CPED1: variants seen among roughly 807,000 people sequenced by gnomAD.
CPED1 encodes cadherin like and PC-esterase domain containing 1, also known as cadherin-like and PC-esterase domain-containing protein 1.
CPED1 carries 114 observed loss-of-function variants against 128.2 expected under a neutral mutation model. The observed-to-expected ratio is 0.89, with a 90% CI of 0.76 to 1.04. CPED1 has a LOEUF of 1.04. Ranked by LOEUF, CPED1 falls within the 50% of genes least tolerant of loss-of-function variation. The pLI is 0.00. For synonymous variants in CPED1, 462 were observed against 426.7 expected (o/e 1.08, Z -1.02); for missense variants, 1,211 against 1,207.1 (o/e 1.00, Z -0.05).
intron 7 of CPED1, among the ~76,000 whole-genome samples, chr7:121,107,601 A>G (rs1324008163): frequency 6.6e-6 from 1 of 152,140 alleles, no homozygotes; most frequent in Non-Finnish European, 1.5e-5. Flanking sequence ...GTGGGTGCAA[A>G]GTAATAACAG....
At chr7:120,998,476 G>A (rs1796447753) in intron 2 of CPED1, among the ~76,000 whole-genome samples, 1 of 152,006 alleles carries the variant, frequency 6.6e-6, no homozygotes, top group South Asian at 2.1e-4. Flanking sequence ...AAAGTGTCTG[G>A]CAGATAGAAA....
Position 121,022,531 on chromosome 7 carries a change from C to T in CPED1, c.433+6683C>T, listed in dbSNP as rs567208899. On this transcript the variant is annotated intron_variant, in intron 3 of 22. Coordinates refer to ENST00000310396, the MANE Select transcript of CPED1 (RefSeq NM_024913.5). ...GGATGAGTTTCTTTCTATACATATT[C>T]AGTTATAGGTGCTGTGAATTTTCAT... 1.2e-3 allele frequency among the ~76,000 whole-genome samples: 177 copies of T among 151,920 alleles called. 2 individuals carry two copies. Among genetic ancestry groups the T allele is most frequent in the South Asian group, 0.01 (49 of 4,808 alleles).
At chr7:121,184,804 C>G (rs1487630588) in intron 16 of CPED1, among the ~76,000 whole-genome samples, 1 of 152,038 alleles carries the variant, frequency 6.6e-6, no homozygotes, top group Non-Finnish European at 1.5e-5. Flanking sequence ...TACTTTTGCT[C>G]TTTAAAACAA....
At chr7:121,170,178 G>T (rs1025275034) in intron 16 of CPED1, among the ~76,000 whole-genome samples, 1 of 152,152 alleles carries the variant, frequency 6.6e-6, no homozygotes, top group Admixed American at 6.5e-5. Context: ...TAAGAAATCT[G>T]TCTAGTTTTT....
intron 16 of CPED1, among the ~76,000 whole-genome samples, chr7:121,153,172 T>C (rs1796197743): frequency 6.6e-6 from 1 of 152,210 alleles, no homozygotes; most frequent in South Asian, 2.1e-4. Flanking sequence ...ACCTATGTTT[T>C]ATCAGGAATG....
At chr7:121,214,869 G>A (rs1490263956) in intron 16 of CPED1, among the ~76,000 whole-genome samples, 2 of 152,038 alleles carry the variant, frequency 1.3e-5, no homozygotes, top group African/African-American at 2.4e-5. Context: ...CATGTGATCA[G>A]TGAGTAATCT....
At chr7:121,273,046 G>A (rs1314753022) in intron 22 of CPED1, among the ~76,000 whole-genome samples, 1 of 151,786 alleles carries the variant, frequency 6.6e-6, no homozygotes, top group Non-Finnish European at 1.5e-5. Context: ...ATTTGCTCTA[G>A]GAGATTCAGC....
intron 7 of CPED1, among the ~76,000 whole-genome samples, chr7:121,118,136 T>C (rs995612584): frequency 7.9e-5 from 12 of 152,330 alleles, no homozygotes; most frequent in African/African-American, 2.6e-4. Context: ...AACTAAACCC[T>C]TCCATCCACG....
intron 4 of CPED1, among the ~76,000 whole-genome samples, chr7:121,054,667 G>GT (rs34569288): frequency 0.037 from 5,506 of 147,412 alleles, 282 homozygotes; most frequent in African/African-American, 0.11. Flanking sequence ...CAGGGTTGAG[G>GT]TTTTTTTTTT....
chr7:121,271,549 T>C (rs1271259188), intron 22 of CPED1, 119 bp downstream of exon 22: 1 of 974,872 alleles, frequency 1.0e-6, no homozygotes. Flanking sequence ...CAGGTGGAGA[T>C]TAAATGATAT....
intron 16 of CPED1, among the ~76,000 whole-genome samples, chr7:121,183,752 A>G (rs1796945088): frequency 6.6e-6 from 1 of 152,226 alleles, no homozygotes; most frequent in African/African-American, 2.4e-5. Flanking sequence ...GGTTTATAAT[A>G]TAAACTGAGA....
intron 16 of CPED1, among the ~76,000 whole-genome samples, chr7:121,232,517 C>A (rs551081341): frequency 2.2e-4 from 33 of 152,178 alleles, no homozygotes; most frequent in African/African-American, 7.9e-4. Flanking sequence ...TTCATCAGGA[C>A]ATTGGGGAAA....
chr7:121,156,109 A>G (rs1314312567), intron 16 of CPED1, among the ~76,000 whole-genome samples: 1 of 152,224 alleles, frequency 6.6e-6, no homozygotes, highest in Non-Finnish European at 1.5e-5. Context: ...CATACTAACC[A>G]TCAGAGAAAT....
intron 11 of CPED1, among the ~76,000 whole-genome samples, chr7:121,128,893 A>G (rs1257359974): frequency 6.6e-5 from 10 of 152,086 alleles, no homozygotes; most frequent in Non-Finnish European, 1.0e-4. Context: ...AATCATATAG[A>G]GTTGAAAATA....
intron 16 of CPED1, among the ~76,000 whole-genome samples, chr7:121,205,882 TA>T (rs1797505479): frequency 6.6e-6 from 1 of 152,084 alleles, no homozygotes. Context: ...ATTCATTTAT[TA>T]CCCTAAACAG....
At chr7:121,066,893 T>C (rs146701289) in intron 5 of CPED1, among the ~76,000 whole-genome samples, 2 of 152,248 alleles carry the variant, frequency 1.3e-5, no homozygotes, top group African/African-American at 4.8e-5. Flanking sequence ...GAGTATTACA[T>C]TGAATCCGTG....
intron 22 of CPED1, among the ~76,000 whole-genome samples, chr7:121,294,804 A>G (rs1471164082): frequency 2.7e-5 from 4 of 150,088 alleles, no homozygotes; most frequent in African/African-American, 9.9e-5. Flanking sequence ...TAGCCTTCTA[A>G]GCAAAAAAAA....
At chr7:121,138,933 G>A (rs1012067410) in intron 14 of CPED1, among the ~76,000 whole-genome samples, 4 of 150,840 alleles carry the variant, frequency 2.7e-5, no homozygotes, top group Non-Finnish European at 4.4e-5. Flanking sequence ...CTTATCTCGG[G>A]GTCTTTAACG....
At chr7:121,061,575 ATC>A (rs1326326784) in intron 4 of CPED1, among the ~76,000 whole-genome samples, 1 of 152,192 alleles carries the variant, frequency 6.6e-6, no homozygotes, top group Admixed American at 6.5e-5. Flanking sequence ...TATATGGGAA[ATC>A]TCTGTGTCTT....
Sources: gnomAD v4.1 joint callset for allele counts (sites outside exome capture counted in the v4.1 genomes callset) on GRCh38, gnomAD v4.1.1 for gene constraint, MANE v1.5 for transcripts, NCBI Gene and HGNC (gene_info 2026-07-23, HGNC 2026-07-21) for gene names.